The following OCA2 variants were observed in gnomAD, a reference collection of about 807,000 sequenced individuals.
The protein encoded by OCA2 is OCA2 melanosomal transmembrane protein, also known as P protein.
Under a neutral mutation model 100.2 loss-of-function variants are expected in OCA2, and 77 were observed. The ratio of observed to expected loss-of-function variants is 0.77; its 90% confidence interval spans 0.64 to 0.93. The LOEUF (loss-of-function observed/expected upper bound fraction) is 0.93, where lower values mean the gene tolerates loss of function less well. Among genes scored for constraint, OCA2 ranks in the 40% least tolerant of loss-of-function variants. The pLI is 0.00. For missense variants in OCA2, 1,062 were observed against 1,089.1 expected (o/e 0.98, Z 0.35); for synonymous variants, 432 against 439.2 (o/e 0.98, Z 0.21).
At chr15:28,018,629 C>G in intron 6 of OCA2, 72 bp from the exon 7 acceptor site, 1 of 1,404,616 alleles carries the variant, frequency 7.1e-7, no homozygotes, top group Non-Finnish European at 9.9e-7. Flanking sequence ...GCCAGACGCA[C>G]ACCCTCCTCT....
intron 11 of OCA2, among the ~76,000 whole-genome samples, chr15:27,987,999 G>A (rs2041419975): frequency 6.6e-6 from 1 of 151,988 alleles, no homozygotes; most frequent in Non-Finnish European, 1.5e-5. Flanking sequence ...CACCCAAAAG[G>A]CCACTGAGAG....
intron 19 of OCA2, among the ~76,000 whole-genome samples, chr15:27,904,763 C>G (rs1487313909): frequency 6.6e-6 from 1 of 152,224 alleles, no homozygotes; most frequent in Non-Finnish European, 1.5e-5. Flanking sequence ...CAGCACCCCC[C>G]ACCTCCTCAA....
In OCA2 at chr15:27,990,595, G is replaced by C. The variant is rs562134779; in HGVS notation, c.1097C>G (p.Ala366Gly). ...ACTTACATCGCCAATCACAGCCAGT[G>C]CTGCCAGTGCTGCAAGGGAACCCAG... ...AMLGSLAALA[A>G]LAVIGDRPSL... The change falls in exon 10 of 24, where the codon GCA becomes GGA. Residue 366 changes from alanine (A) to glycine (G), a missense_variant. Coordinates refer to ENST00000354638, the MANE Select transcript of OCA2 (RefSeq NM_000275.3). 6.2e-7 allele frequency: 1 copy of C among 1,614,034 alleles called. No homozygotes were observed. The highest frequency in any genetic ancestry group is 1.3e-5 in the African/African-American group (1 of 75,050).
intron 21 of OCA2, among the ~76,000 whole-genome samples, chr15:27,855,081 A>G (rs2035902774): frequency 6.6e-6 from 1 of 152,190 alleles, no homozygotes; most frequent in South Asian, 2.1e-4. Context: ...GTATGCTCTG[A>G]CATTGTTTTC....
chr15:28,057,219 C>T (rs1306801250), intron 2 of OCA2, among the ~76,000 whole-genome samples: 1 of 152,182 alleles, frequency 6.6e-6, no homozygotes, highest in East Asian at 1.9e-4. Context: ...TTGAAGAAAG[C>T]ACCTTTTTGA....
intron 16 of OCA2, 72 bp from the exon 17 acceptor site, chr15:27,955,287 C>A: frequency 8.7e-7 from 1 of 1,150,564 alleles, no homozygotes; most frequent in Non-Finnish European, 1.3e-6. Flanking sequence ...GCAGCAGTCC[C>A]CAGCGCTTCG....
chr15:27,978,878 G>A (rs1352828392), intron 14 of OCA2, among the ~76,000 whole-genome samples: 1 of 152,004 alleles, frequency 6.6e-6, no homozygotes, highest in Non-Finnish European at 1.5e-5. Flanking sequence ...GTAGAGACGG[G>A]GTTTCACCAT....
chr15:27,736,877 A>T, the OCA2 span, among the ~76,000 whole-genome samples: 3 of 152,194 alleles, frequency 2.0e-5, no homozygotes, highest in Admixed American at 1.3e-4. Context: ...GGGATAAGAG[A>T]ATAGACTGGA....
At chr15:27,896,613 A>G (rs986885949) in intron 19 of OCA2, 1 of 228,916 alleles carries the variant, frequency 4.4e-6, no homozygotes, top group African/African-American at 2.4e-5. Context: ...GATTTTTCAG[A>G]TGAAGATCAT....
chr15:27,897,716 C>T (rs2037764166), intron 19 of OCA2, among the ~76,000 whole-genome samples: 1 of 152,186 alleles, frequency 6.6e-6, no homozygotes, highest in African/African-American at 2.4e-5. Context: ...GGGGCACCAC[C>T]TAGTGGAGCT....
At chr15:27,926,075 G>GA (rs2039030158) in intron 19 of OCA2, 52 bp downstream of exon 19, 1 of 1,601,042 alleles carries the variant, frequency 6.2e-7, no homozygotes, top group Admixed American at 1.7e-5. Context: ...AATAAAACAT[G>GA]AAATACAAAA....
chr15:27,967,771 G>C (rs1464712988), intron 14 of OCA2, among the ~76,000 whole-genome samples: 2 of 152,240 alleles, frequency 1.3e-5, no homozygotes, highest in African/African-American at 2.4e-5. Flanking sequence ...GGTATCTTTA[G>C]AGTTGGGCAA....
chr15:27,775,293 C>T (rs570989899), intron 23 of OCA2, among the ~76,000 whole-genome samples: 7 of 152,258 alleles, frequency 4.6e-5, no homozygotes, highest in African/African-American at 1.4e-4. Context: ...TGAAGCTCGT[C>T]CTCTGTCACG....
chr15:28,006,593 G>A (rs1236408109), intron 9 of OCA2, among the ~76,000 whole-genome samples: 1 of 152,160 alleles, frequency 6.6e-6, no homozygotes, highest in African/African-American at 2.4e-5. Context: ...CAGAGGGAGT[G>A]TATTACATAA....
At chr15:27,969,375 T>G (rs545071803) in intron 14 of OCA2, among the ~76,000 whole-genome samples, 1 of 152,334 alleles carries the variant, frequency 6.6e-6, no homozygotes, top group South Asian at 2.1e-4. Context: ...ACTGATCACT[T>G]TAGGAAACAG....
chr15:27,834,387 C>T (rs1396203985), intron 23 of OCA2, among the ~76,000 whole-genome samples: 1 of 152,206 alleles, frequency 6.6e-6, no homozygotes, highest in African/African-American at 2.4e-5. Flanking sequence ...ACTTCCTCAT[C>T]TGGCTTTTCA....
At chr15:28,087,297 G>A (rs2044792580) in intron 1 of OCA2, among the ~76,000 whole-genome samples, 1 of 152,142 alleles carries the variant, frequency 6.6e-6, no homozygotes, top group Non-Finnish European at 1.5e-5. Flanking sequence ...AGTCAAGCCA[G>A]AAGCCTATAT....
intron 2 of OCA2, among the ~76,000 whole-genome samples, chr15:28,039,612 T>G (rs2043143321): frequency 6.6e-6 from 1 of 152,226 alleles, no homozygotes; most frequent in African/African-American, 2.4e-5. Context: ...ATTCCTATGT[T>G]GAAGCCCTAA....
At chr15:27,911,026 A>C (rs1291246452) in intron 19 of OCA2, among the ~76,000 whole-genome samples, 3 of 152,180 alleles carry the variant, frequency 2.0e-5, no homozygotes, top group Non-Finnish European at 4.4e-5. Flanking sequence ...ACTTACAGGA[A>C]AGATCTAGGT....
Sources: gnomAD v4.1 joint callset for allele counts (sites outside exome capture counted in the v4.1 genomes callset) on GRCh38, gnomAD v4.1.1 for gene constraint, MANE v1.5 for transcripts, NCBI Gene and HGNC (gene_info 2026-07-23, HGNC 2026-07-21) for gene names.